The following HAUS3 variants were observed in gnomAD, a reference collection of about 807,000 sequenced individuals.
HAUS3 encodes HAUS augmin like complex subunit 3, also known as HAUS augmin-like complex subunit 3.
Under a neutral mutation model 55.2 loss-of-function variants are expected in HAUS3, and 36 were observed. The observed-to-expected ratio is 0.65, with a 90% CI of 0.50 to 0.86. The LOEUF (loss-of-function observed/expected upper bound fraction) is 0.86, where lower values mean the gene tolerates loss of function less well. Among genes scored for constraint, HAUS3 ranks in the 40% least tolerant of loss-of-function variants. HAUS3 has a pLI of 0.00. For missense variants in HAUS3, 752 were observed against 671.5 expected, an observed-to-expected ratio of 1.12 and a Z score of -1.33; for synonymous variants, 234 against 238.6, an observed-to-expected ratio of 0.98 and a Z score of 0.18.
chr4:2,235,159 T>C (rs912855733), intron 5 of HAUS3, among the ~76,000 whole-genome samples: 2 of 152,210 alleles, frequency 1.3e-5, no homozygotes, highest in South Asian at 2.1e-4. Context: ...GCTGGGATTA[T>C]AGGCGTGAGC....
chr4:2,240,576 T>C lies in HAUS3; in HGVS notation c.371A>G (p.Gln124Arg). Residue 124 changes from glutamine (Q) to arginine (R), a missense_variant, in exon 3 of 6, where the codon CAA becomes CGA. Physicochemically the swap from Gln to Arg is conservative, Grantham distance 43 (BLOSUM62 1). Transcript: ENST00000443786. ...NLKIQRRNKC[Q>R]LMASVTSHKS... ...GTGGCTAGTTACTGAAGCCATCAAT[T>C]GACATTTATTACGTCGCTGAATTTT... 1 of 1,613,096 alleles carries C rather than the reference T, an allele frequency of 6.2e-7. No homozygotes were observed. The highest frequency in any genetic ancestry group is 8.5e-7 in the Non-Finnish European group (1 of 1,179,802).
intron 5 of HAUS3, among the ~76,000 whole-genome samples, chr4:2,234,821 C>G (rs1182184423): frequency 6.6e-6 from 1 of 152,108 alleles, no homozygotes; most frequent in Non-Finnish European, 1.5e-5. Context: ...AACTTTAAAC[C>G]TGGATATAAC....
Position 2,232,069 on chromosome 4 carries a change from C to T in HAUS3, c.1670G>A (p.Arg557Lys). 6.3e-7 allele frequency: 1 copy of T among 1,596,706 alleles called. No homozygotes were observed. Among genetic ancestry groups the T allele is most frequent in the Non-Finnish European group, 8.6e-7 (1 of 1,168,696 alleles). The change falls in exon 6 of 6, where the codon AGA (arginine) becomes AAA (lysine). Residue 557 changes from arginine to lysine, a missense_variant. By Grantham distance (26) the Arg-to-Lys change is conservative. Coordinates refer to ENST00000443786, the MANE Select transcript of HAUS3 (RefSeq NM_001303143.2). Reference sequence around the variant, plus strand: ...TAATTTATTATTTGCCAAAGTTTTTCTTTTTGTCTTCACATCAGCAAGAAT... The same window carrying T: ...TAATTTATTATTTGCCAAAGTTTTTTTTTTTGTCTTCACATCAGCAAGAAT... ...TDILADVKTK[R>K]KTLANNKLHQ...
chr4:2,229,303 G>A lies in HAUS3; in HGVS notation c.*2624C>T. On this transcript the variant is annotated 3_prime_UTR_variant, in exon 6 of 6. Coordinates refer to ENST00000443786, the MANE Select transcript of HAUS3 (RefSeq NM_001303143.2). ...TATTAATCCTAAGACTATAAAACAG[G>A]AAATACAATTATTTTCAAAAATTTA... 2 of 1,316,918 alleles carry A rather than the reference G, an allele frequency of 1.5e-6. No homozygotes were observed. Among genetic ancestry groups the A allele is most frequent in the Non-Finnish European group, 2.0e-6 (2 of 981,284 alleles). 81.6% of individuals were successfully genotyped at this position (1,316,918 alleles called of 1,614,324 possible). A position where few individuals can be genotyped will look rare whatever the true frequency, so the allele number is the denominator to read the frequency against.
In HAUS3 at chr4:2,241,594, G is replaced by A; in HGVS notation, c.-222C>T. The stretch of plus-strand genomic sequence containing the variant: ...CGCGGAGAACAGCAGGAGCAGCAGG[G>A]AAGCGCGCGGCCACAATTAAGGGTG... On this transcript the variant is annotated 5_prime_UTR_variant, in exon 2 of 6. Coordinates refer to ENST00000443786, the MANE Select transcript of HAUS3 (RefSeq NM_001303143.2). 1 of 985,688 alleles carries A rather than the reference G, an allele frequency of 1.0e-6. No homozygotes were observed. Among genetic ancestry groups the A allele is most frequent in the Non-Finnish European group, 1.2e-6 (1 of 830,124 alleles). The allele number at this position is 985,688 out of a possible 1,614,324, so 61.1% of individuals were successfully genotyped here.
In HAUS3 at chr4:2,238,823, A is replaced by G; in HGVS notation, c.1130T>C (p.Leu377Ser). 1 of 1,612,488 alleles carries G rather than the reference A, an allele frequency of 6.2e-7. No individual in the cohort carries two copies. The highest frequency in any genetic ancestry group is 8.5e-7 in the Non-Finnish European group (1 of 1,178,830). ...TTCAAATGATGCCTTTTGTTTTATTAATTGATTTAAAACTAACTCTTGTCT... is the reference window on the plus strand; with the variant it reads ...TTCAAATGATGCCTTTTGTTTTATTGATTGATTTAAAACTAACTCTTGTCT... ...TARQELVLNQLIKQKASFELL... is the reference protein window; with the variant it reads ...TARQELVLNQSIKQKASFELL... Residue 377 changes from leucine (L) to serine (S), a missense_variant, in exon 4 of 6, where the codon TTA (leucine) becomes TCA (serine). Transcript: ENST00000443786.
In HAUS3 at chr4:2,241,059, G is replaced by A. The variant is rs1215109921; in HGVS notation, c.-113C>T. ...GTTTTATACCAAGTCCACAGAGAAG[G>A]GAAAATATATTTTTAGAATCTATAA... is the stretch of plus-strand genomic sequence containing the variant. On this transcript the variant is annotated 5_prime_UTR_variant, in exon 3 of 6. Transcript: ENST00000443786. 6 of 751,068 alleles carry A rather than the reference G, an allele frequency of 8.0e-6. No individual in the cohort carries two copies. The highest frequency in any genetic ancestry group is 1.3e-5 in the Non-Finnish European group (6 of 464,146). 46.5% of individuals were successfully genotyped at this position (751,068 alleles called of 1,614,324 possible).
chr4:2,234,043 A>C (rs1212769524), intron 5 of HAUS3, among the ~76,000 whole-genome samples: 1 of 152,232 alleles, frequency 6.6e-6, no homozygotes, highest in Non-Finnish European at 1.5e-5. Flanking sequence ...GATATTGTTC[A>C]AGAGCAAACA....
chr4:2,237,166 A>T (rs1400362762), intron 4 of HAUS3, among the ~76,000 whole-genome samples: 5 of 152,082 alleles, frequency 3.3e-5, no homozygotes, highest in African/African-American at 1.2e-4. Flanking sequence ...AGTAGAAACA[A>T]CAGGCTATGG....
chr4:2,241,208 T>A, intron 2 of HAUS3, 115 bp from the exon 3 acceptor site: 1 of 365,222 alleles, frequency 2.7e-6, no homozygotes, highest in Non-Finnish European at 4.9e-6. Flanking sequence ...CAGGTAGTCG[T>A]AGCTGCAATG....
Position 2,231,115 on chromosome 4 carries a change from G to C in HAUS3, c.*812C>G, listed in dbSNP as rs907036347. On this transcript the variant is annotated 3_prime_UTR_variant, in exon 6 of 6. Coordinates refer to ENST00000443786, the MANE Select transcript of HAUS3 (RefSeq NM_001303143.2). Reference sequence around the variant, plus strand: ...TCTAAAATGAATGCAGGCAGGCCAAGGAAGTCCTAATACTCTGTGGTACAA... The same window carrying C: ...TCTAAAATGAATGCAGGCAGGCCAACGAAGTCCTAATACTCTGTGGTACAA... 6.6e-6 allele frequency: 1 copy of C among 152,132 alleles called. No individual in the cohort carries two copies. The highest frequency in any genetic ancestry group is 2.4e-5 in the African/African-American group (1 of 41,412). The allele number at this position is 152,132 out of a possible 1,614,324, so 9.4% of individuals were successfully genotyped here.
rs1476718421 is a variant in HAUS3, at chr4:2,232,101, G to A, written c.1638C>T (p.Leu546=). 1.2e-6 allele frequency: 2 copies of A among 1,602,164 alleles called. No individual in the cohort carries two copies. Among genetic ancestry groups the A allele is most frequent in the Admixed American group, 1.7e-5 (1 of 57,896 alleles). Residue 546 remains leucine (L), a synonymous_variant, in exon 6 of 6, where the codon CTC becomes CTT. Coordinates refer to ENST00000443786, the MANE Select transcript of HAUS3 (RefSeq NM_001303143.2). ...ESQLNKLNHL[L]TDILADVKTK... ...TCTTCACATCAGCAAGAATATCAGTGAGGAGATGATTTAGCTTATTCAGTT... is the reference window on the plus strand; with the variant it reads ...TCTTCACATCAGCAAGAATATCAGTAAGGAGATGATTTAGCTTATTCAGTT...
chr4:2,235,533 T>C (rs1490708251), intron 5 of HAUS3, among the ~76,000 whole-genome samples: 1 of 152,198 alleles, frequency 6.6e-6, no homozygotes, highest in East Asian at 1.9e-4. Context: ...TATAATGGAA[T>C]ACTAACTATA....
chr4:2,232,674 CAT>C (rs141637875), intron 5 of HAUS3, among the ~76,000 whole-genome samples: 6,145 of 152,218 alleles, frequency 0.04, 448 homozygotes, highest in African/African-American at 0.14. Flanking sequence ...TAGAATTACA[CAT>C]GACATTCCAC....
Position 2,236,464 on chromosome 4 carries a change from G to A in HAUS3, c.1350-8C>T. 17 of 1,574,306 alleles carry A rather than the reference G, an allele frequency of 1.1e-5. No individual in the cohort carries two copies. The highest frequency in any genetic ancestry group is 1.7e-5 in the Admixed American group (1 of 59,310). On this transcript the variant is annotated splice_polypyrimidine_tract_variant and splice_region_variant and intron_variant, in intron 4 of 5. Coordinates refer to ENST00000443786, the MANE Select transcript of HAUS3 (RefSeq NM_001303143.2). ...TCCAAAACTTGGTAAAGCCTGAAAT[G>A]TAAAAATTAAAATTATAGGGAAAAA...
Position 2,240,401 on chromosome 4 carries a change from A to C in HAUS3, c.546T>G (p.His182Gln). The change falls in exon 3 of 6, where the codon CAT becomes CAG. Residue 182 changes from histidine to glutamine, a missense_variant. Physicochemically the swap from His to Gln is conservative, Grantham distance 24. Transcript: ENST00000443786. ...EVTQLMMFFR[H>Q]SNLGQGTNPL... ...GATTTGTCCCTTGACCTAAATTAGA[A>C]TGTCTGAAGAACATCATCAATTGTG... 1 of 1,612,504 alleles carries C rather than the reference A, an allele frequency of 6.2e-7. No homozygotes were observed. Among genetic ancestry groups the C allele is most frequent in the Non-Finnish European group, 8.5e-7 (1 of 1,179,072 alleles).
Position 2,232,003 on chromosome 4 carries a change from T to C in HAUS3, c.1736A>G (p.Asp579Gly). The C allele has an allele frequency of 6.6e-7, 1 of 1,504,072 alleles. No individual in the cohort carries two copies. The highest frequency in any genetic ancestry group is 2.3e-5 in the East Asian group (1 of 43,974). The allele number at this position is 1,504,072 out of a possible 1,614,324, so 93.2% of individuals were successfully genotyped here. ...EREFYVYFLK[D>G]EDYLKDIVEN... is the part of the protein sequence containing the mutation. Reference sequence around the variant, plus strand: ...CACAATATCTTTCAGATAATCTTCATCTTTTAAAAAATATACATAGAATTC... The same window carrying C: ...CACAATATCTTTCAGATAATCTTCACCTTTTAAAAAATATACATAGAATTC... The change falls in exon 6 of 6, where the codon GAT becomes GGT. Residue 579 changes from aspartate to glycine, a missense_variant. By Grantham distance (94) the Asp-to-Gly change is moderately conservative. Coordinates refer to ENST00000443786, the MANE Select transcript of HAUS3 (RefSeq NM_001303143.2).
At position 2,240,102 on chromosome 4, in the gene HAUS3, C is replaced by T. The variant is rs1172396687; in HGVS notation, c.845G>A (p.Ser282Asn). 2 of 1,613,936 alleles carry T rather than the reference C, an allele frequency of 1.2e-6. No homozygotes were observed. Among genetic ancestry groups the T allele is most frequent in the Non-Finnish European group, 1.7e-6 (2 of 1,179,962 alleles). ...TATACTTGACTTCATGCTCGAATTA[C>T]TTGCTTTTAAGTGAATTAACTGATG... Reference protein sequence around the residue: ...AQHQLIHLKASNSSMKSSIKW... With the variant: ...AQHQLIHLKANNSSMKSSIKW... The change falls in exon 3 of 6, where the codon AGT becomes AAT. Residue 282 changes from serine to asparagine, a missense_variant. Transcript: ENST00000443786.
Position 2,232,112 on chromosome 4 carries a change from T to G in HAUS3, c.1627A>C (p.Asn543His). 6.3e-7 allele frequency: 1 copy of G among 1,598,600 alleles called. No homozygotes were observed. Residue 543 changes from asparagine (N) to histidine (H), a missense_variant, in exon 6 of 6, where the codon AAT (asparagine) becomes CAT (histidine). Asn to His is a moderately conservative substitution (Grantham distance 68, BLOSUM62 1). Transcript: ENST00000443786. ...HKVESQLNKL[N>H]HLLTDILADV... ...GCAAGAATATCAGTGAGGAGATGAT[T>G]TAGCTTATTCAGTTGAGATTCAACT...
Sources: allele counts gnomAD v4.1 joint callset (sites outside exome capture counted in the v4.1 genomes callset), GRCh38; gene constraint gnomAD v4.1.1; transcripts MANE v1.5; gene names NCBI Gene and HGNC (gene_info 2026-07-23, HGNC 2026-07-21).